The following PRKAG2 variants were observed in gnomAD, a reference collection of about 807,000 sequenced individuals.
The protein encoded by PRKAG2 is protein kinase AMP-activated non-catalytic subunit gamma 2, also known as 5'-AMP-activated protein kinase subunit gamma-2.
A neutral mutation model predicts 69.6 loss-of-function variants in PRKAG2; 26 were observed. The observed-to-expected ratio is 0.37, with a 90% CI of 0.27 to 0.52. PRKAG2 has a LOEUF of 0.52. PRKAG2 is among the 20% of genes least tolerant of loss of function. The pLI is 0.90. For synonymous variants in PRKAG2, 293 were observed against 285.0 expected (o/e 1.03, Z -0.28); for missense variants, 557 against 740.0 (o/e 0.75, Z 2.87).
intron 3 of PRKAG2, among the ~76,000 whole-genome samples, chr7:151,707,022 T>C (rs906556081): frequency 6.6e-6 from 1 of 152,246 alleles, no homozygotes; most frequent in South Asian, 2.1e-4. Flanking sequence ...CCCCCTCGGC[T>C]GCGTCCTGGG....
At chr7:151,705,133 T>C (rs1173076846) in intron 3 of PRKAG2, among the ~76,000 whole-genome samples, 3 of 152,302 alleles carry the variant, frequency 2.0e-5, no homozygotes, top group African/African-American at 7.2e-5. Context: ...GTAAATGCAA[T>C]TGAGTTATAC....
intron 5 of PRKAG2, among the ~76,000 whole-genome samples, chr7:151,628,862 G>C (rs1208899829): frequency 6.6e-6 from 1 of 152,164 alleles, no homozygotes; most frequent in Non-Finnish European, 1.5e-5. Context: ...TAGCAGGCAC[G>C]GGGGAGAGAA....
At chr7:151,793,135 A>G (rs961393902) in intron 1 of PRKAG2, among the ~76,000 whole-genome samples, 28 of 152,234 alleles carry the variant, frequency 1.8e-4, no homozygotes, top group African/African-American at 6.8e-4. Flanking sequence ...AACATTGTAA[A>G]GGACTCCCAT....
Position 151,570,280 on chromosome 7 carries a change from A to G in PRKAG2, c.1052-55T>C, listed in dbSNP as rs368940552. The G allele has an allele frequency of 2.6e-6, 4 of 1,555,700 alleles. No individual in the cohort carries two copies. The African/African-American group carries it at 5.5e-5, about 21-fold the overall frequency. On this transcript the variant is annotated intron_variant, in intron 9 of 15. Transcript: ENST00000287878. ...AGTAACACATTTGCTGTTTGCAGTT[A>G]TAACACAAATTCAAATACCCTTCAG...
At position 151,675,576 on chromosome 7, in the gene PRKAG2, G is replaced by C. The variant is rs763753522; in HGVS notation, c.528C>G (p.Pro176=). The change falls in exon 4 of 16, where the codon CCC becomes CCG. Residue 176 remains proline (P), a synonymous_variant. Transcript: ENST00000287878. ...PTQVTKQHTF[P]LESYKHEPER... is the part of the protein sequence containing the mutation. ...CAGGCTCGTGCTTATAGGATTCCAG[G>C]GGAAACGTGTGCTGCTTGGTCACTT... The C allele has an allele frequency of 4.3e-6, 7 of 1,614,196 alleles. No individual in the cohort carries two copies. The East Asian group carries it at 1.6e-4, about 36-fold the overall frequency.
intron 3 of PRKAG2, chr7:151,736,451 A>G: frequency 1.1e-6 from 1 of 933,290 alleles, no homozygotes; most frequent in Non-Finnish European, 1.3e-6. Flanking sequence ...CAAAGGAGGC[A>G]CAAGCCTGCA....
chr7:151,776,150 T>C (rs2076334889), intron 3 of PRKAG2, among the ~76,000 whole-genome samples: 1 of 152,086 alleles, frequency 6.6e-6, no homozygotes, highest in Non-Finnish European at 1.5e-5. Flanking sequence ...GCCTCACTGA[T>C]TCTCAAGGGC....
At chr7:151,680,272 T>C (rs1035889641) in intron 3 of PRKAG2, among the ~76,000 whole-genome samples, 2 of 152,136 alleles carry the variant, frequency 1.3e-5, no homozygotes, top group Non-Finnish European at 2.9e-5. Context: ...TTCATTACCA[T>C]GGTGCTTTTA....
intron 11 of PRKAG2, 159 bp downstream of exon 11, chr7:151,568,557 C>A: frequency 1.4e-6 from 1 of 708,934 alleles, no homozygotes; most frequent in South Asian, 1.7e-5. Flanking sequence ...TAAGAATGTA[C>A]AATTCAGAGA....
In PRKAG2 at chr7:151,794,277, T is replaced by G. The variant is rs528259356; in HGVS notation, c.115-7736A>C. ...TCAGCACCAGACATGAAACTCTTTT[T>G]GCTCAAAACCAAGTAGCTGCAGAAT... On this transcript the variant is annotated intron_variant, in intron 1 of 15. Coordinates refer to ENST00000287878, the MANE Select transcript of PRKAG2 (RefSeq NM_016203.4). 2.0e-5 allele frequency among the ~76,000 whole-genome samples: 3 copies of G among 152,330 alleles called. No individual in the cohort carries two copies. In the South Asian group the frequency reaches 6.2e-4, roughly 32 times the overall value.
At chr7:151,747,918 C>CTTTT (rs34915377) in intron 3 of PRKAG2, among the ~76,000 whole-genome samples, 3 of 114,230 alleles carry the variant, frequency 2.6e-5, no homozygotes, top group Non-Finnish European at 5.4e-5. Flanking sequence ...AAAAAACTTA[C>CTTTT]TTTTTTTTTT....
chr7:151,875,198 T>G (rs1345063075), intron 1 of PRKAG2, among the ~76,000 whole-genome samples: 1 of 152,238 alleles, frequency 6.6e-6, no homozygotes, highest in Non-Finnish European at 1.5e-5. Context: ...GGGTCCAAGT[T>G]TCCAGCCCCA....
intron 3 of PRKAG2, among the ~76,000 whole-genome samples, chr7:151,706,409 G>C (rs1023458785): frequency 3.3e-5 from 5 of 152,200 alleles, no homozygotes; most frequent in African/African-American, 1.2e-4. Flanking sequence ...AATTCTCCAA[G>C]ACATCCAACT....
chr7:151,617,266 A>AGGAGGGAGGGAAGGAGGGAG (rs1820367817), intron 5 of PRKAG2, among the ~76,000 whole-genome samples: 3 of 96,216 alleles, frequency 3.1e-5, no homozygotes, highest in Non-Finnish European at 5.8e-5. Flanking sequence ...GAGCGAGGGA[A>AGGAGGGAGGGAAGGAGGGAG]GGAGGGAGGG....
At chr7:151,603,519 C>T (rs1456123639) in intron 5 of PRKAG2, among the ~76,000 whole-genome samples, 1 of 105,552 alleles carries the variant, frequency 9.5e-6, no homozygotes, top group Non-Finnish European at 1.8e-5. Flanking sequence ...GGACACGCTC[C>T]GTCCTCACCG....
At chr7:151,821,372 G>A (rs898159613) in intron 1 of PRKAG2, among the ~76,000 whole-genome samples, 3 of 152,144 alleles carry the variant, frequency 2.0e-5, no homozygotes, top group Non-Finnish European at 1.5e-5. Context: ...TTTAAGCTGG[G>A]AACCAGGATT....
chr7:151,724,845 C>G (rs548316398), intron 3 of PRKAG2, among the ~76,000 whole-genome samples: 1 of 152,034 alleles, frequency 6.6e-6, no homozygotes, highest in Non-Finnish European at 1.5e-5. Context: ...CCAGAAAGCA[C>G]CCCCCGAGCC....
intron 3 of PRKAG2, among the ~76,000 whole-genome samples, chr7:151,770,241 C>T (rs946598465): frequency 2.6e-5 from 4 of 152,316 alleles, no homozygotes; most frequent in African/African-American, 9.6e-5. Context: ...CTCTGACTAG[C>T]CTATGGAGGC....
chr7:151,715,017 A>AT (rs111586277), intron 3 of PRKAG2, among the ~76,000 whole-genome samples: 1,516 of 142,852 alleles, frequency 0.011, 15 homozygotes, highest in Non-Finnish European at 0.016. Flanking sequence ...ATTAAAAGCA[A>AT]TTTTTTTTTT....
Sources: gnomAD v4.1 joint callset for allele counts (sites outside exome capture counted in the v4.1 genomes callset) on GRCh38, gnomAD v4.1.1 for gene constraint, MANE v1.5 for transcripts, NCBI Gene and HGNC (gene_info 2026-07-23, HGNC 2026-07-21) for gene names.